Variants in HPS5 observed in about 807,000 individuals in gnomAD.
HPS5 encodes the protein HPS5 biogenesis of lysosomal organelles complex 2 subunit 2.
HPS5 carries 83 observed loss-of-function variants against 128.0 expected under a neutral mutation model. The ratio of observed to expected loss-of-function variants is 0.65; its 90% CI spans 0.54 to 0.78. HPS5 has a LOEUF of 0.78. Ranked by LOEUF, HPS5 falls within the 30% of genes least tolerant of loss-of-function variation. The pLI, the probability that HPS5 is intolerant of heterozygous loss-of-function variation, is 0.00. For synonymous variants in HPS5, 475 were observed against 470.2 expected (o/e 1.01, Z -0.13); for missense variants, 1,281 against 1,326.2 (o/e 0.97, Z 0.53).
intron 19 of HPS5, among the ~76,000 whole-genome samples, chr11:18,285,739 CT>C (rs148316730): frequency 0.023 from 3,522 of 152,242 alleles, 136 homozygotes; most frequent in African/African-American, 0.081. Context: ...ACTGCATATC[CT>C]TCCAGACTTT....
At chr11:18,309,440 C>T (rs1862723212) in intron 5 of HPS5, among the ~76,000 whole-genome samples, 1 of 152,084 alleles carries the variant, frequency 6.6e-6, no homozygotes, top group Admixed American at 6.5e-5. Context: ...AGCCTAGGAG[C>T]TTGAGGCTGC....
In HPS5 at chr11:18,322,059, C is replaced by A. The variant is rs927644434; in HGVS notation, c.-163G>T. On this transcript the variant is annotated 5_prime_UTR_variant, in exon 1 of 23. Transcript: ENST00000349215. ...GCCCGGAGGTCCCAGCCCAGCTCCACCACATCCAGGGCAGTACCTCGCAGC... is the reference window on the plus strand; with the variant it reads ...GCCCGGAGGTCCCAGCCCAGCTCCAACACATCCAGGGCAGTACCTCGCAGC... 2 of 152,980 alleles carry A rather than the reference C, an allele frequency of 1.3e-5. No individual in the cohort carries two copies. The highest frequency in any genetic ancestry group is 4.8e-5 in the African/African-American group (2 of 41,482). The allele number at this position is 152,980 out of a possible 1,614,324, so 9.5% of individuals were successfully genotyped here.
At chr11:18,316,878 C>CCA (rs1285477584) in intron 2 of HPS5, among the ~76,000 whole-genome samples, 1 of 152,108 alleles carries the variant, frequency 6.6e-6, no homozygotes, top group Non-Finnish European at 1.5e-5. Flanking sequence ...AGTCTAGTGC[C>CCA]CACATAGCAA....
chr11:18,316,808 T>C (rs1402462598), intron 2 of HPS5, among the ~76,000 whole-genome samples: 2 of 152,242 alleles, frequency 1.3e-5, no homozygotes, highest in Non-Finnish European at 2.9e-5. Context: ...TGATTAGTGA[T>C]TGGCTATACA....
At chr11:18,300,376 T>C (rs889276992) in intron 9 of HPS5, among the ~76,000 whole-genome samples, 3 of 152,100 alleles carry the variant, frequency 2.0e-5, no homozygotes, top group African/African-American at 4.8e-5. Flanking sequence ...GAAATATCTA[T>C]GGTCAATCTT....
chr11:18,285,581 G>T, intron 19 of HPS5, 122 bp from the exon 20 acceptor site: 1 of 705,160 alleles, frequency 1.4e-6, no homozygotes, highest in South Asian at 1.8e-5. Context: ...TAAAAACATT[G>T]CTATTTGGCT....
chr11:18,279,183 G>A lies in HPS5; in HGVS notation c.*699C>T, dbSNP rs1378020894. 1 of 152,182 alleles carries A rather than the reference G, an allele frequency of 6.6e-6. No homozygotes were observed. The highest frequency in any genetic ancestry group is 6.5e-5 in the Admixed American group (1 of 15,284). 9.4% of individuals were successfully genotyped at this position (152,182 alleles called of 1,614,324 possible). Reference sequence around the variant, plus strand: ...TTGCGGCCTGGACCTCCTGGCCTCAGGTACTATGCCTAGCTAATTTTTTTT... The same window carrying A: ...TTGCGGCCTGGACCTCCTGGCCTCAAGTACTATGCCTAGCTAATTTTTTTT... On this transcript the variant is annotated 3_prime_UTR_variant, in exon 23 of 23. Transcript: ENST00000349215.
At chr11:18,319,355 C>T (rs1381236256) in intron 1 of HPS5, among the ~76,000 whole-genome samples, 1 of 150,866 alleles carries the variant, frequency 6.6e-6, no homozygotes, top group African/African-American at 2.4e-5. Context: ...AGAGGGATCA[C>T]ATTGAATTAA....
chr11:18,305,012 G>A (rs1862186804), intron 8 of HPS5, among the ~76,000 whole-genome samples: 1 of 152,212 alleles, frequency 6.6e-6, no homozygotes, highest in Non-Finnish European at 1.5e-5. Context: ...AGGATAGAGA[G>A]CTGAAATTTC....
chr11:18,282,263 C>T (rs1173125487), intron 21 of HPS5, 43 bp from the exon 22 acceptor site: 3 of 1,608,934 alleles, frequency 1.9e-6, no homozygotes, highest in African/African-American at 1.3e-5. Context: ...ACTCTTAGCA[C>T]ACTGACTGGA....
chr11:18,283,344 A>T (rs1859273528), intron 21 of HPS5, among the ~76,000 whole-genome samples: 1 of 151,912 alleles, frequency 6.6e-6, no homozygotes, highest in Non-Finnish European at 1.5e-5. Context: ...AAAAAAAAAA[A>T]AAGAGCCTAA....
At chr11:18,317,928 T>C in intron 1 of HPS5, 21 bp from the exon 2 acceptor site, 2 of 1,536,464 alleles carry the variant, frequency 1.3e-6, no homozygotes, top group Non-Finnish European at 1.8e-6. Flanking sequence ...TCCACAAAAA[T>C]ATAATTTAAG....
At chr11:18,286,476 A>T (rs1028853560) in intron 19 of HPS5, 115 bp downstream of exon 19, 1 of 1,044,480 alleles carries the variant, frequency 9.6e-7, no homozygotes, top group Non-Finnish European at 1.4e-6. Context: ...TAGGAGGTCA[A>T]GGCTGCAGGA....
At chr11:18,313,966 T>C (rs1863309760) in intron 2 of HPS5, among the ~76,000 whole-genome samples, 1 of 150,964 alleles carries the variant, frequency 6.6e-6, no homozygotes, top group Admixed American at 6.6e-5. Flanking sequence ...TTCCAGCACT[T>C]TGGGAGGCCA....
Position 18,285,469 on chromosome 11 carries a change from G to A in HPS5, c.2838-10C>T, listed in dbSNP as rs2134232335. On this transcript the variant is annotated splice_polypyrimidine_tract_variant and intron_variant, in intron 19 of 22. Coordinates refer to ENST00000349215, the MANE Select transcript of HPS5 (RefSeq NM_181507.2). ...CAAGTGTGAATGAGGCCTATGAAAT[G>A]AAAAGGAATCAGTAAATTAGATAGG... 6.5e-7 allele frequency: 1 copy of A among 1,541,894 alleles called. No individual in the cohort carries two copies. Among genetic ancestry groups the A allele is most frequent in the Non-Finnish European group, 9.0e-7 (1 of 1,114,588 alleles).
chr11:18,292,079 A>G, intron 15 of HPS5, 60 bp from the exon 16 acceptor site: 1 of 1,301,048 alleles, frequency 7.7e-7, no homozygotes, highest in Middle Eastern at 1.8e-4. Context: ...AAACAAATTA[A>G]TTCATGCTAA....
intron 5 of HPS5, among the ~76,000 whole-genome samples, chr11:18,309,297 T>C (rs1467496230): frequency 6.6e-6 from 1 of 152,234 alleles, no homozygotes; most frequent in Non-Finnish European, 1.5e-5. Context: ...TTCTCAAGGA[T>C]CTGTTTGTGA....
In HPS5 at chr11:18,286,590, C is replaced by G. The variant is rs1253458479; in HGVS notation, c.2837+1G>C. The G allele has an allele frequency of 6.2e-7, 1 of 1,613,524 alleles. No homozygotes were observed. The highest frequency in any genetic ancestry group is 1.3e-5 in the African/African-American group (1 of 74,878). ...ACAAAGAAAGAGGACTTCTTCTGTA[C>G]CTGGGATAACCTTCATCATCCATTG... On this transcript the variant is annotated splice_donor_variant, in intron 19 of 22. Transcript: ENST00000349215. LOFTEE classifies it high-confidence loss of function.
intron 21 of HPS5, among the ~76,000 whole-genome samples, chr11:18,283,497 TTTG>T: frequency 6.8e-6 from 1 of 146,388 alleles, no homozygotes; most frequent in Admixed American, 6.9e-5. Context: ...ATCCCCAGAG[TTTG>T]TTATCTCATT....
Sources: gnomAD v4.1 joint callset for allele counts (sites outside exome capture counted in the v4.1 genomes callset) on GRCh38, gnomAD v4.1.1 for gene constraint, MANE v1.5 for transcripts, NCBI Gene and HGNC (gene_info 2026-07-23, HGNC 2026-07-21) for gene names.